Variants in FAM107B observed in about 807,000 individuals in gnomAD.
The protein encoded by FAM107B is family with sequence similarity 107 member B.
FAM107B carries 21 observed loss-of-function variants against 31.5 expected under a neutral mutation model. The observed-to-expected ratio is 0.67, with a 90% CI of 0.47 to 0.96. The LOEUF (loss-of-function observed/expected upper bound fraction) is 0.96. FAM107B is among the 40% of genes least tolerant of loss of function. The probability of loss-of-function intolerance (pLI) is 0.00; values close to 1 mark genes in which losing one functional copy is unlikely to be tolerated. For missense variants in FAM107B, 452 were observed against 377.1 expected (o/e 1.20, Z -1.64); for synonymous variants, 157 against 141.5 (o/e 1.11, Z -0.78).
intron 2 of FAM107B, among the ~76,000 whole-genome samples, chr10:14,629,429 TA>T (rs1853279974): frequency 6.6e-5 from 2 of 30,508 alleles, no homozygotes; most frequent in African/African-American, 4.0e-4. Flanking sequence ...ATATATATAA[TA>T]TATATTATAT....
chr10:14,740,878 C>G (rs928406352), intron 1 of FAM107B, among the ~76,000 whole-genome samples: 9 of 152,334 alleles, frequency 5.9e-5, no homozygotes, highest in African/African-American at 1.9e-4. Context: ...TATTCAGCTG[C>G]AAGTCAATAC....
At chr10:14,541,833 G>A (rs1418572365) in intron 2 of FAM107B, among the ~76,000 whole-genome samples, 1 of 152,164 alleles carries the variant, frequency 6.6e-6, no homozygotes, top group East Asian at 1.9e-4. Context: ...AGAAGAGCTA[G>A]GAGAAAGCTG....
At chr10:14,681,220 C>A (rs1296270471) in intron 1 of FAM107B, among the ~76,000 whole-genome samples, 1 of 152,214 alleles carries the variant, frequency 6.6e-6, no homozygotes, top group Non-Finnish European at 1.5e-5. Flanking sequence ...TGGCCCTACC[C>A]CTCTTCAGCA....
chr10:14,748,031 A>T (rs147883695), intron 1 of FAM107B, among the ~76,000 whole-genome samples: 1 of 152,098 alleles, frequency 6.6e-6, no homozygotes, highest in South Asian at 2.1e-4. Context: ...GCAATTCCCA[A>T]TTATCCTTCA....
At chr10:14,592,374 G>C (rs1041420660) in intron 2 of FAM107B, among the ~76,000 whole-genome samples, 1 of 152,162 alleles carries the variant, frequency 6.6e-6, no homozygotes, top group African/African-American at 2.4e-5. Context: ...AGGCTTCATG[G>C]GAAAGCCATT....
intron 1 of FAM107B, among the ~76,000 whole-genome samples, chr10:14,767,647 G>A (rs1015747059): frequency 2.6e-5 from 4 of 151,918 alleles, no homozygotes; most frequent in African/African-American, 9.7e-5. Context: ...TACTCAAAAG[G>A]TTAGGAATAG....
chr10:14,763,921 C>T lies in FAM107B; in HGVS notation c.411+10332G>A, dbSNP rs558505175. ...TCCCCATTCAAGAGCCTCCTTAGAC[C>T]GGGTTTCACCCTTTATTCGGCCTCT... On this transcript the variant is annotated intron_variant, in intron 1 of 4. Coordinates refer to ENST00000181796, the MANE Select transcript of FAM107B (RefSeq NM_031453.4). Among the ~76,000 whole-genome samples the T allele has an allele frequency of 6.6e-5, 10 of 152,342 alleles. No individual in the cohort carries two copies. In the East Asian group the frequency reaches 7.7e-4, roughly 12 times the overall value.
intron 2 of FAM107B, among the ~76,000 whole-genome samples, chr10:14,662,378 C>CTTTTT (rs3035295): frequency 7.2e-6 from 1 of 139,668 alleles, no homozygotes. Flanking sequence ...TCTGACCTGT[C>CTTTTT]TTTTTTTTTT....
chr10:14,643,563 C>T (rs1315571270), intron 2 of FAM107B, among the ~76,000 whole-genome samples: 1 of 152,036 alleles, frequency 6.6e-6, no homozygotes, highest in Admixed American at 6.6e-5. Flanking sequence ...ACACATGCCA[C>T]CACACCCAGA....
intron 2 of FAM107B, among the ~76,000 whole-genome samples, chr10:14,648,130 T>A (rs1208262820): frequency 1.3e-5 from 2 of 152,224 alleles, no homozygotes; most frequent in Non-Finnish European, 2.9e-5. Context: ...TATTTTCCAT[T>A]TCTGGTCAAA....
intron 1 of FAM107B, among the ~76,000 whole-genome samples, chr10:14,732,643 C>T (rs909798530): frequency 7.2e-5 from 11 of 151,726 alleles, no homozygotes; most frequent in African/African-American, 2.7e-4. Flanking sequence ...AGTTAATCCA[C>T]AACAGAATTC....
intron 2 of FAM107B, among the ~76,000 whole-genome samples, chr10:14,590,150 A>T (rs1228381882): frequency 6.6e-6 from 1 of 152,244 alleles, no homozygotes; most frequent in African/African-American, 2.4e-5. Context: ...ACCAAAAATG[A>T]AGAATCTTGA....
chr10:14,550,545 T>C (rs1037257795), intron 2 of FAM107B, among the ~76,000 whole-genome samples: 4 of 152,212 alleles, frequency 2.6e-5, no homozygotes, highest in African/African-American at 9.6e-5. Flanking sequence ...AGCAGCAGTA[T>C]GACTCAGGGA....
intron 1 of FAM107B, among the ~76,000 whole-genome samples, chr10:14,747,313 C>A (rs1451999562): frequency 6.6e-6 from 1 of 152,210 alleles, no homozygotes; most frequent in Non-Finnish European, 1.5e-5. Flanking sequence ...ACATCTCAGC[C>A]TCTGCCCAGT....
At chr10:14,725,658 T>C (rs934522837) in intron 1 of FAM107B, among the ~76,000 whole-genome samples, 3 of 151,978 alleles carry the variant, frequency 2.0e-5, no homozygotes, top group Admixed American at 2.0e-4. Context: ...CTCTAGTAAC[T>C]CTTCTTGTAA....
intron 2 of FAM107B, among the ~76,000 whole-genome samples, chr10:14,572,983 C>T (rs10796204): frequency 0.76 from 115,473 of 151,352 alleles, 44,639 homozygotes; most frequent in Middle Eastern, 0.85. Context: ...CAAATATATA[C>T]CAAAGCAGCA....
chr10:14,729,716 C>G lies in FAM107B; in HGVS notation c.411+44537G>C, dbSNP rs145783806. On this transcript the variant is annotated intron_variant, in intron 1 of 4. Transcript: ENST00000181796. The stretch of plus-strand genomic sequence containing the variant: ...TATACCCAAAAGATTATAAATCATT[C>G]TACTATAAAGACACATACACACGTA... 6.1e-3 allele frequency among the ~76,000 whole-genome samples: 924 copies of G among 152,258 alleles called. 6 individuals carry two copies. The highest frequency in any genetic ancestry group is 0.021 in the African/African-American group (870 of 41,534).
chr10:14,748,740 A>T (rs188855610), intron 1 of FAM107B, among the ~76,000 whole-genome samples: 61 of 152,356 alleles, frequency 4.0e-4, no homozygotes, highest in African/African-American at 1.4e-3. Context: ...CCTGGATGTC[A>T]GCCCAGAGCC....
At chr10:14,714,660 G>A (rs1855741414) in intron 1 of FAM107B, among the ~76,000 whole-genome samples, 1 of 152,158 alleles carries the variant, frequency 6.6e-6, no homozygotes, top group African/African-American at 2.4e-5. Context: ...CAATCTTAGG[G>A]AGGAGCTGAG....
Sources: gnomAD v4.1 joint callset for allele counts (sites outside exome capture counted in the v4.1 genomes callset) on GRCh38, gnomAD v4.1.1 for gene constraint, MANE v1.5 for transcripts, NCBI Gene and HGNC (gene_info 2026-07-23, HGNC 2026-07-21) for gene names.